Variants in ROBO2 observed in about 807,000 individuals in gnomAD.
The protein encoded by ROBO2 is roundabout guidance receptor 2.
ROBO2 carries 53 observed loss-of-function variants against 160.8 expected under a neutral mutation model. The observed-to-expected ratio is 0.33, with a 90% CI of 0.26 to 0.41. The LOEUF (loss-of-function observed/expected upper bound fraction) is 0.41, where lower values mean the gene tolerates loss of function less well. Among genes scored for constraint, ROBO2 ranks in the 10% least tolerant of loss-of-function variants. ROBO2 has a pLI of 1.00. For synonymous variants in ROBO2, 664 were observed against 611.7 expected (o/e 1.09, Z -1.26); for missense variants, 1,577 against 1,722.4 (o/e 0.92, Z 1.49).
At chr3:76,421,021 C>A (rs1273591956) in intron 2 of ROBO2, among the ~76,000 whole-genome samples, 1 of 152,196 alleles carries the variant, frequency 6.6e-6, no homozygotes, top group African/African-American at 2.4e-5. Flanking sequence ...TAGGACTTAT[C>A]AGCAGGAAAT....
intron 18 of ROBO2, among the ~76,000 whole-genome samples, chr3:77,595,949 T>C (rs1313841038): frequency 6.6e-6 from 1 of 152,154 alleles, no homozygotes; most frequent in Non-Finnish European, 1.5e-5. Flanking sequence ...CAGAATCTCA[T>C]CTTTTATATT....
rs189362952 is a variant in ROBO2, at chr3:77,067,835, G to T, written c.61+26989G>T. ...CCTATATGTACTGTTTTCTTTCAAA[G>T]CTACCAGGTTATCCCAATTTTAAAG... On this transcript the variant is annotated intron_variant, in intron 1 of 25. Transcript: ENST00000461745. 2.0e-5 allele frequency among the ~76,000 whole-genome samples: 3 copies of T among 152,172 alleles called. No individual in the cohort carries two copies. In the East Asian group the frequency reaches 5.8e-4, roughly 29 times the overall value.
At chr3:76,887,725 A>G (rs1277355478) in intron 2 of ROBO2, among the ~76,000 whole-genome samples, 1 of 152,200 alleles carries the variant, frequency 6.6e-6, no homozygotes, top group African/African-American at 2.4e-5. Flanking sequence ...ATGAAATTAA[A>G]TGTGCACTTT....
At chr3:76,247,448 T>C (rs796941044) in intron 2 of ROBO2, among the ~76,000 whole-genome samples, 2 of 152,156 alleles carry the variant, frequency 1.3e-5, no homozygotes, top group Non-Finnish European at 2.9e-5. Flanking sequence ...TTCAAAATTT[T>C]AACATTACAT....
intron 2 of ROBO2, among the ~76,000 whole-genome samples, chr3:76,445,584 GA>G (rs1404285656): frequency 2.0e-5 from 3 of 151,698 alleles, no homozygotes; most frequent in African/African-American, 7.3e-5. Flanking sequence ...GAGACACAAC[GA>G]AAAAAGAGAA....
chr3:76,254,580 T>C (rs1358298676), intron 2 of ROBO2, among the ~76,000 whole-genome samples: 2 of 151,916 alleles, frequency 1.3e-5, no homozygotes, highest in African/African-American at 4.8e-5. Context: ...AAGTCTAGAG[T>C]CAGAAATAAC....
At chr3:76,457,256 G>A (rs1437135752) in intron 2 of ROBO2, among the ~76,000 whole-genome samples, 2 of 152,172 alleles carry the variant, frequency 1.3e-5, no homozygotes, top group African/African-American at 4.8e-5. Context: ...AACAATGGAG[G>A]TACAGATATT....
chr3:77,388,099 T>A (rs983358910), intron 2 of ROBO2, among the ~76,000 whole-genome samples: 1 of 151,968 alleles, frequency 6.6e-6, no homozygotes, highest in Non-Finnish European at 1.5e-5. Context: ...ACTCTCTTAA[T>A]ATCTATAAGC....
intron 2 of ROBO2, among the ~76,000 whole-genome samples, chr3:77,374,779 G>T (rs2153479951): frequency 6.6e-6 from 1 of 152,284 alleles, no homozygotes; most frequent in South Asian, 2.1e-4. Context: ...CCTAATTATA[G>T]AATTCTTTAC....
At chr3:77,387,191 G>A (rs1161363688) in intron 2 of ROBO2, among the ~76,000 whole-genome samples, 1 of 151,642 alleles carries the variant, frequency 6.6e-6, no homozygotes, top group African/African-American at 2.4e-5. Context: ...TGCCCCTGGT[G>A]GGTGTGTGAT....
chr3:76,639,254 ATATG>A (rs2090506265), intron 2 of ROBO2, among the ~76,000 whole-genome samples: 2 of 151,942 alleles, frequency 1.3e-5, no homozygotes, highest in South Asian at 4.1e-4. Context: ...ATGTATATTT[ATATG>A]TATGTTTATA....
chr3:77,457,997 A>G (rs1406390546), intron 2 of ROBO2, among the ~76,000 whole-genome samples: 1 of 152,186 alleles, frequency 6.6e-6, no homozygotes, highest in Non-Finnish European at 1.5e-5. Context: ...ATTATGCAAA[A>G]CCATGATAAT....
At chr3:76,812,500 TA>T (rs946126957) in intron 2 of ROBO2, among the ~76,000 whole-genome samples, 15 of 149,736 alleles carry the variant, frequency 1.0e-4, no homozygotes, top group African/African-American at 2.4e-4. Flanking sequence ...TGCCTTAATT[TA>T]AAAAAAAAGG....
At chr3:76,350,511 GT>G (rs1413327900) in intron 2 of ROBO2, among the ~76,000 whole-genome samples, 1 of 151,944 alleles carries the variant, frequency 6.6e-6, no homozygotes, top group African/African-American at 2.4e-5. Flanking sequence ...AATGTGCTGA[GT>G]TTTAACTAGC....
At chr3:76,007,423 A>G (rs961919740) in intron 2 of ROBO2, among the ~76,000 whole-genome samples, 4 of 152,150 alleles carry the variant, frequency 2.6e-5, no homozygotes, top group Non-Finnish European at 4.4e-5. Flanking sequence ...GTTATCATAT[A>G]CTTGTCTTAG....
chr3:77,173,309 C>T (rs975217155), intron 2 of ROBO2, among the ~76,000 whole-genome samples: 2 of 151,928 alleles, frequency 1.3e-5, no homozygotes, highest in Non-Finnish European at 2.9e-5. Context: ...TTTAAAGGCC[C>T]GTGTGTTCAA....
At chr3:76,681,439 C>T (rs2092559472) in intron 2 of ROBO2, among the ~76,000 whole-genome samples, 1 of 151,952 alleles carries the variant, frequency 6.6e-6, no homozygotes, top group Non-Finnish European at 1.5e-5. Flanking sequence ...TATCATTTTA[C>T]AGATTTAAAA....
intron 2 of ROBO2, among the ~76,000 whole-genome samples, chr3:76,616,359 G>T (rs943096779): frequency 3.9e-5 from 6 of 152,202 alleles, no homozygotes. Context: ...AAGTCATTGA[G>T]TGTTAGCTTT....
At chr3:77,413,027 C>A (rs1467780570) in intron 2 of ROBO2, among the ~76,000 whole-genome samples, 1 of 152,066 alleles carries the variant, frequency 6.6e-6, no homozygotes, top group Non-Finnish European at 1.5e-5. Flanking sequence ...GGCAATATAG[C>A]ACAACCCCCA....
Sources: gnomAD v4.1 joint callset for allele counts (sites outside exome capture counted in the v4.1 genomes callset) on GRCh38, gnomAD v4.1.1 for gene constraint, MANE v1.5 for transcripts, NCBI Gene and HGNC (gene_info 2026-07-23, HGNC 2026-07-21) for gene names.